The following TMEM63C variants were observed in gnomAD, a reference collection of about 807,000 sequenced individuals.
The protein encoded by TMEM63C is osmosensitive cation channel TMEM63C.
Under a neutral mutation model 99.2 loss-of-function variants are expected in TMEM63C, and 32 were observed. The ratio of observed to expected loss-of-function variants is 0.32; its 90% confidence interval spans 0.24 to 0.43. The LOEUF (loss-of-function observed/expected upper bound fraction) is 0.43. Ranked by LOEUF, TMEM63C falls within the 20% of genes least tolerant of loss-of-function variation. TMEM63C has a pLI of 1.00. For missense variants in TMEM63C, 826 were observed against 1,053.0 expected, an observed-to-expected ratio of 0.78 and a Z score of 2.98; for synonymous variants, 376 against 397.9, an observed-to-expected ratio of 0.94 and a Z score of 0.66.
rs59017859 is a variant in TMEM63C at position 77,202,289 on chromosome 14, TACAC to T, written c.-76-11137_-76-11134del. On this transcript the variant is annotated intron_variant, in intron 1 of 23. Transcript: ENST00000298351. ...AAATACCCCTCAAAACATACTCAGA[TACAC>T]ACACACACACACACACACAAACACA... Among the ~76,000 whole-genome samples the T allele has an allele frequency of 3.0e-3, 444 of 149,750 alleles. 4 individuals carry two copies. Among genetic ancestry groups the T allele is most frequent in the African/African-American group, 0.01 (410 of 40,812 alleles).
Position 77,187,101 on chromosome 14 carries a change from A to G in TMEM63C, c.-77+5207A>G, listed in dbSNP as rs114863586. ...AGCAAGTCTGAGTCACCCGCTCAAT[A>G]GGTAAGAAAGCTGTGGCTTGAGAGG... On this transcript the variant is annotated intron_variant, in intron 1 of 23. Coordinates refer to ENST00000298351, the MANE Select transcript of TMEM63C (RefSeq NM_020431.4). Among the ~76,000 whole-genome samples, 610 of 152,282 alleles carry G rather than the reference A, an allele frequency of 4.0e-3. 6 individuals carry two copies. Among genetic ancestry groups the G allele is most frequent in the African/African-American group, 0.014 (587 of 41,562 alleles).
chr14:77,185,593 G>C (rs975206221), intron 1 of TMEM63C, among the ~76,000 whole-genome samples: 4 of 152,320 alleles, frequency 2.6e-5, no homozygotes, highest in African/African-American at 9.6e-5. Context: ...TTTGGGTGTT[G>C]AGGACTCATT....
intron 1 of TMEM63C, among the ~76,000 whole-genome samples, chr14:77,191,538 C>CTTTT (rs71125542): frequency 1.7e-3 from 137 of 82,594 alleles, no homozygotes; most frequent in East Asian, 2.0e-3. Context: ...TTTTCTTTTT[C>CTTTT]TTTTTTTTTT....
intron 4 of TMEM63C, 72 bp from the exon 5 acceptor site, chr14:77,219,934 G>A: frequency 7.1e-7 from 1 of 1,406,398 alleles, no homozygotes; most frequent in Non-Finnish European, 9.8e-7. Context: ...CAGGGAGTGG[G>A]GAGGGAGCAG....
intron 2 of TMEM63C, 44 bp from the exon 3 acceptor site, chr14:77,218,757 C>T: frequency 6.3e-7 from 1 of 1,599,840 alleles, no homozygotes; most frequent in South Asian, 1.1e-5. Context: ...TTGCAAAATG[C>T]AAGGGAGTCT....
chr14:77,226,657 A>C (rs1888833405), intron 6 of TMEM63C, among the ~76,000 whole-genome samples: 1 of 152,028 alleles, frequency 6.6e-6, no homozygotes, highest in Non-Finnish European at 1.5e-5. Context: ...TTTGTTGCAG[A>C]GATGAGTAGG....
chr14:77,251,985 A>G, intron 22 of TMEM63C, 87 bp downstream of exon 22: 1 of 1,076,512 alleles, frequency 9.3e-7, no homozygotes, highest in Middle Eastern at 2.0e-4. Context: ...GGGCTCCCAT[A>G]GCACCACAGG....
At chr14:77,193,651 A>G (rs1304354308) in intron 1 of TMEM63C, among the ~76,000 whole-genome samples, 1 of 152,190 alleles carries the variant, frequency 6.6e-6, no homozygotes, top group Non-Finnish European at 1.5e-5. Context: ...CCTGACCAAC[A>G]TGGAGAAACC....
At chr14:77,218,653 C>G in intron 2 of TMEM63C, 148 bp from the exon 3 acceptor site, 1 of 670,858 alleles carries the variant, frequency 1.5e-6, no homozygotes, top group Non-Finnish European at 2.5e-6. Flanking sequence ...TGTGCCGTCT[C>G]GTGGGCTGGC....
intron 18 of TMEM63C, 55 bp from the exon 19 acceptor site, chr14:77,248,292 T>C: frequency 6.6e-7 from 1 of 1,510,694 alleles, no homozygotes; most frequent in Non-Finnish European, 9.0e-7. Context: ...CCTTTTAACA[T>C]CTCTCCCTCT....
chr14:77,246,767 C>A, intron 18 of TMEM63C, 93 bp downstream of exon 18: 2 of 1,069,266 alleles, frequency 1.9e-6, no homozygotes, highest in South Asian at 1.5e-5. Context: ...TGAATTTGCT[C>A]ACAGAAGTGT....
At chr14:77,231,751 C>G in intron 7 of TMEM63C, 21 bp downstream of exon 7, 1 of 1,551,104 alleles carries the variant, frequency 6.4e-7, no homozygotes, top group Non-Finnish European at 8.7e-7. Flanking sequence ...CTCAGCTGGC[C>G]CTGGGGCAGC....
intron 22 of TMEM63C, 65 bp downstream of exon 22, chr14:77,251,963 C>A: frequency 7.7e-7 from 1 of 1,301,324 alleles, no homozygotes; most frequent in Non-Finnish European, 1.1e-6. Flanking sequence ...CTGTAGGATA[C>A]TCTCCAGGTC....
intron 1 of TMEM63C, among the ~76,000 whole-genome samples, chr14:77,204,462 ACACTCTCAT>A (rs1888361691): frequency 6.6e-6 from 1 of 152,138 alleles, no homozygotes; most frequent in Admixed American, 6.5e-5. Flanking sequence ...TCCAGCCAAA[ACACTCTCAT>A]CACGGGGGCC....
intron 9 of TMEM63C, 85 bp from the exon 10 acceptor site, chr14:77,238,609 T>C: frequency 8.9e-7 from 1 of 1,119,424 alleles, no homozygotes; most frequent in South Asian, 1.3e-5. Context: ...GCAGAAGGCC[T>C]GCTCTGAGCC....
intron 1 of TMEM63C, among the ~76,000 whole-genome samples, chr14:77,192,997 C>T (rs1413273525): frequency 6.6e-6 from 1 of 152,072 alleles, no homozygotes; most frequent in East Asian, 1.9e-4. Flanking sequence ...CAAAGGATGC[C>T]ATAAATAAAC....
chr14:77,218,477 A>G (rs1448004554), intron 2 of TMEM63C, among the ~76,000 whole-genome samples: 1 of 152,180 alleles, frequency 6.6e-6, no homozygotes, highest in Admixed American at 6.5e-5. Context: ...TATACAACAA[A>G]AACTTCCCAA....
chr14:77,194,493 TTTTCTTTC>T (rs756926975), intron 1 of TMEM63C, among the ~76,000 whole-genome samples: 78 of 48,736 alleles, frequency 1.6e-3, no homozygotes, highest in African/African-American at 4.9e-3. Flanking sequence ...CATATTTCTT[TTTTCTTTC>T]TTTCTTTCTT....
chr14:77,239,308 C>A, intron 10 of TMEM63C, 104 bp from the exon 11 acceptor site: 1 of 1,123,538 alleles, frequency 8.9e-7, no homozygotes, highest in South Asian at 1.3e-5. Context: ...GAACACCAGG[C>A]AGCTGAGCCA....
Sources: gnomAD v4.1 joint callset for allele counts (sites outside exome capture counted in the v4.1 genomes callset) on GRCh38, gnomAD v4.1.1 for gene constraint, MANE v1.5 for transcripts, NCBI Gene and HGNC (gene_info 2026-07-23, HGNC 2026-07-21) for gene names.